Variants in HIP1R observed in about 807,000 individuals in gnomAD.
HIP1R encodes the protein huntingtin interacting protein 1 related.
In HIP1R, 135 loss-of-function variants were observed where a neutral mutation model predicts 144.2. The ratio of observed to expected loss-of-function variants is 0.94; its 90% CI spans 0.81 to 1.08. HIP1R has a LOEUF of 1.08. HIP1R is among the 50% of genes least tolerant of loss of function. HIP1R has a pLI of 0.00. For missense variants in HIP1R, 1,462 were observed against 1,432.8 expected, an observed-to-expected ratio of 1.02 and a Z score of -0.33; for synonymous variants, 698 against 612.8, an observed-to-expected ratio of 1.14 and a Z score of -2.05.
At chr12:122,845,710 G>T (rs149007762) in intron 1 of HIP1R, among the ~76,000 whole-genome samples, 2 of 152,146 alleles carry the variant, frequency 1.3e-5, no homozygotes, top group South Asian at 4.1e-4. Context: ...GAGGGTGCCC[G>T]GCCCTCAGAG....
chr12:122,858,495 C>G (rs2033665556), intron 20 of HIP1R, 60 bp downstream of exon 20: 1 of 1,351,368 alleles, frequency 7.4e-7, no homozygotes, highest in African/African-American at 1.5e-5. Context: ...GCGCCCATGG[C>G]CACCTCTTGC....
At position 122,860,541 on chromosome 12, in the gene HIP1R, G is replaced by A. The variant is rs775127888; in HGVS notation, c.2660+18G>A. 36 of 1,587,032 alleles carry A rather than the reference G, an allele frequency of 2.3e-5. No individual in the cohort carries two copies. Among genetic ancestry groups the A allele is most frequent in the Non-Finnish European group, 2.9e-5 (34 of 1,156,820 alleles). ...CAGCTGGTGTAGGTTGCCCTGGGTGGGGGGGGGCAGGGGGCTGCTTCCTGC... is the reference window on the plus strand; with the variant it reads ...CAGCTGGTGTAGGTTGCCCTGGGTGAGGGGGGGCAGGGGGCTGCTTCCTGC... On this transcript the variant is annotated intron_variant, in intron 27 of 31. Transcript: ENST00000253083.
At chr12:122,851,741 A>G (rs1009979678) in intron 7 of HIP1R, among the ~76,000 whole-genome samples, 2 of 151,516 alleles carry the variant, frequency 1.3e-5, no homozygotes, top group Non-Finnish European at 2.9e-5. Context: ...CTGCACCTCC[A>G]GGGATAGGTA....
At chr12:122,846,616 C>G (rs911863795) in intron 1 of HIP1R, among the ~76,000 whole-genome samples, 1 of 152,168 alleles carries the variant, frequency 6.6e-6, no homozygotes, top group Non-Finnish European at 1.5e-5. Flanking sequence ...TTCCTCAGGT[C>G]GTGGTTCCTT....
At chr12:122,861,648 A>G (rs2033776903) in intron 31 of HIP1R, 58 bp from the exon 32 acceptor site, 3 of 1,603,820 alleles carry the variant, frequency 1.9e-6, no homozygotes, top group East Asian at 2.2e-5. Flanking sequence ...CTCAAGGGAG[A>G]GGTGGGGCCC....
At chr12:122,839,917 G>A (rs1006738000) in intron 1 of HIP1R, among the ~76,000 whole-genome samples, 11 of 152,348 alleles carry the variant, frequency 7.2e-5, no homozygotes, top group African/African-American at 2.6e-4. Context: ...CTACCGTGCC[G>A]GACAATGCAA....
In HIP1R at chr12:122,854,048, C is replaced by G; in HGVS notation, c.583C>G (p.Arg195Gly). ...CELKLSESVF[R>G]QLNTAIAVSQ... ...CTCCTGCCCCTTTTGCACAGTTTTC[C>G]GACAGCTCAACACGGCCATCGCCGT... The change falls in exon 8 of 32, where the codon CGA (arginine) becomes GGA (glycine). Residue 195 changes from arginine (R) to glycine (G), a missense_variant. Arg to Gly is a moderately radical substitution (Grantham distance 125). Transcript: ENST00000253083. 2.5e-6 allele frequency: 4 copies of G among 1,613,400 alleles called. No homozygotes were observed. The South Asian group carries it at 4.4e-5, about 18-fold the overall frequency.
intron 1 of HIP1R, among the ~76,000 whole-genome samples, chr12:122,844,987 G>A (rs950666205): frequency 2.6e-5 from 4 of 152,288 alleles, no homozygotes; most frequent in African/African-American, 7.2e-5. Flanking sequence ...GGAGAACTAC[G>A]TTCACCCCAC....
Position 122,856,607 on chromosome 12 carries a change from C to CA in HIP1R, c.1519-17dup, listed in dbSNP as rs750823714. ...CATCCCCAGCCCACTGCCCCAGTGA[C>CA]ACGCTGTCCTGTCCCAGCTAGAGGA... On this transcript the variant is annotated splice_polypyrimidine_tract_variant and intron_variant, in intron 16 of 31. Coordinates refer to ENST00000253083, the MANE Select transcript of HIP1R (RefSeq NM_003959.3). 6.2e-7 allele frequency: 1 copy of CA among 1,600,536 alleles called. No homozygotes were observed. The highest frequency in any genetic ancestry group is 2.2e-5 in the East Asian group (1 of 44,472).
At chr12:122,855,022 C>T (rs1237614239) in intron 9 of HIP1R, 31 bp from the exon 10 acceptor site, 27 of 1,613,768 alleles carry the variant, frequency 1.7e-5, no homozygotes, top group Non-Finnish European at 2.3e-5. Context: ...GTGGCCCCTT[C>T]CTGAACCCGA....
intron 7 of HIP1R, among the ~76,000 whole-genome samples, chr12:122,851,828 C>CATCCAGTG (rs1317279781): frequency 2.0e-5 from 3 of 152,212 alleles, no homozygotes; most frequent in Admixed American, 2.0e-4. Flanking sequence ...CCATCTCTTC[C>CATCCAGTG]ATCCAGTGAG....
At position 122,836,889 on chromosome 12, in the gene HIP1R, G is replaced by A. The variant is rs905299160; in HGVS notation, c.93+1246G>A. Among the ~76,000 whole-genome samples the A allele has an allele frequency of 6.6e-6, 1 of 152,202 alleles. No homozygotes were observed. ...CCAGAAAGCGATAATAAATCCTGAG[G>A]ATATCAAGGCTTTAGAAATGCGAAG... On this transcript the variant is annotated intron_variant, in intron 1 of 31. Coordinates refer to ENST00000253083, the MANE Select transcript of HIP1R (RefSeq NM_003959.3). The surrounding 1 kb of genome is among the most constrained non-coding windows in gnomAD (Gnocchi z 4.1).
chr12:122,860,359 G>A (rs1395712435), intron 26 of HIP1R, 64 bp from the exon 27 acceptor site: 10 of 1,586,924 alleles, frequency 6.3e-6, no homozygotes, highest in African/African-American at 1.3e-5. Context: ...GGCCCTTGAG[G>A]GCCACTTTCC....
chr12:122,859,409 A>T lies in HIP1R; in HGVS notation c.2296-17A>T. The T allele has an allele frequency of 6.3e-7, 1 of 1,599,348 alleles. No individual in the cohort carries two copies. Among genetic ancestry groups the T allele is most frequent in the Non-Finnish European group, 8.6e-7 (1 of 1,167,676 alleles). ...GGGGGACGGAGGCTACCCCTGTCTG[A>T]CTCCCATCCTCACCAGGAACTGAAA... On this transcript the variant is annotated splice_polypyrimidine_tract_variant and intron_variant, in intron 22 of 31. Coordinates refer to ENST00000253083, the MANE Select transcript of HIP1R (RefSeq NM_003959.3).
chr12:122,848,951 T>C, intron 4 of HIP1R, 99 bp downstream of exon 4: 3 of 1,278,756 alleles, frequency 2.3e-6, no homozygotes, highest in Non-Finnish European at 3.4e-6. Flanking sequence ...TCCCTGCGGG[T>C]GGCTGGGTTT....
In HIP1R at chr12:122,848,452, C is replaced by A; in HGVS notation, c.158-14C>A. 1 of 1,605,206 alleles carries A rather than the reference C, an allele frequency of 6.2e-7. No individual in the cohort carries two copies. Among genetic ancestry groups the A allele is most frequent in the Non-Finnish European group, 8.5e-7 (1 of 1,175,098 alleles). ...CTCCAGTCTCTGCTTCCACACTTGG[C>A]CTTGACATTGCAGGCATCATTCTGG... is the stretch of plus-strand genomic sequence containing the variant. On this transcript the variant is annotated splice_polypyrimidine_tract_variant and intron_variant, in intron 2 of 31. Coordinates refer to ENST00000253083, the MANE Select transcript of HIP1R (RefSeq NM_003959.3).
chr12:122,835,020 A>T, upstream of HIP1R: 3 of 1,266,556 alleles, frequency 2.4e-6, no homozygotes, highest in African/African-American at 1.6e-5. Flanking sequence ...AGTTCGGAGG[A>T]GGGGTGGGGA....
rs1328662322 is a variant in HIP1R at position 122,862,086 on chromosome 12, T to C, written c.*333T>C. On this transcript the variant is annotated 3_prime_UTR_variant, in exon 32 of 32. Transcript: ENST00000253083. The stretch of plus-strand genomic sequence containing the variant: ...TTTTTAATATTCCGAGCTAGAGCTC[T>C]TCTTCCTACGTTTGTAGTCAGCACA... The C allele has an allele frequency of 1.0e-5, 3 of 288,568 alleles. No individual in the cohort carries two copies. The highest frequency in any genetic ancestry group is 1.9e-5 in the Non-Finnish European group (3 of 155,418). 17.9% of individuals were successfully genotyped at this position (288,568 alleles called of 1,614,324 possible).
chr12:122,835,419 A>AGGCGGGCTCCTCCCCGGCG (rs2032850944), upstream of HIP1R: 6 of 1,067,898 alleles, frequency 5.6e-6, no homozygotes, highest in Admixed American at 1.8e-4. Context: ...GGGCGGGGCG[A>AGGCGGGCTCCTCCCCGGCG]GGCGGGCTCC....
Sources: allele counts gnomAD v4.1 joint callset (sites outside exome capture counted in the v4.1 genomes callset), GRCh38; gene constraint gnomAD v4.1.1; non-coding constraint Gnocchi (gnomAD v3.1); transcripts MANE v1.5; gene names NCBI Gene and HGNC (gene_info 2026-07-23, HGNC 2026-07-21).